Variants in ZC2HC1B observed in about 807,000 individuals in gnomAD.
ZC2HC1B encodes zinc finger C2HC domain-containing protein 1B.
In ZC2HC1B, 36 loss-of-function variants were observed where a neutral mutation model predicts 31.0. That is an observed-to-expected ratio of 1.16 (90% CI 0.89 to 1.54). ZC2HC1B has a LOEUF of 1.54. Ranked by LOEUF, ZC2HC1B falls within the 40% of genes most tolerant of loss-of-function variation. The pLI is 0.00. For missense variants in ZC2HC1B, 260 were observed against 268.6 expected, an observed-to-expected ratio of 0.97 and a Z score of 0.22; for synonymous variants, 73 against 88.0, an observed-to-expected ratio of 0.83 and a Z score of 0.95.
intron 1 of ZC2HC1B, among the ~76,000 whole-genome samples, chr6:143,882,337 TATA>T (rs1562338550): frequency 5.5e-5 from 4 of 72,542 alleles, no homozygotes; most frequent in African/African-American, 1.3e-4. Context: ...ATATTTTTTA[TATA>T]TATATATATA....
At chr6:143,902,913 TG>T in intron 5 of ZC2HC1B, 130 bp from the exon 6 acceptor site, 1 of 763,900 alleles carries the variant, frequency 1.3e-6, no homozygotes, top group Non-Finnish European at 2.1e-6. Context: ...CCCCTTCCCC[TG>T]GATTCAGGGA....
At chr6:143,931,896 T>A (rs1379160599) in intron 6 of ZC2HC1B, among the ~76,000 whole-genome samples, 1 of 151,174 alleles carries the variant, frequency 6.6e-6, no homozygotes, top group African/African-American at 2.4e-5. Context: ...GGAGTTTCAC[T>A]TTTGTTGCCC....
rs1434225401 is a variant in ZC2HC1B at position 143,922,867 on chromosome 6, C to CCAAGAGTATTTATT, written c.599-14775_599-14774insATTTATTCAAGAGT. ...GATTTCCTTTCCTTTGAATAAATAC[C>CCAAGAGTATTTATT]CAAGAGTGAGATTACTAGATTTTGT... is the stretch of plus-strand genomic sequence containing the variant. On this transcript the variant is annotated intron_variant, in intron 6 of 7. Transcript: ENST00000237275. This position sits in a 1 kb window ranked among gnomAD's most constrained non-coding sequence, Gnocchi z 5.0. Among the ~76,000 whole-genome samples the CCAAGAGTATTTATT allele has an allele frequency of 6.6e-6, 1 of 151,908 alleles. No individual in the cohort carries two copies. Among genetic ancestry groups the CCAAGAGTATTTATT allele is most frequent in the Non-Finnish European group, 1.5e-5 (1 of 67,966 alleles).
At position 143,903,834 on chromosome 6, in the gene ZC2HC1B, T is replaced by C. The variant is rs571393276; in HGVS notation, c.598+682T>C. 6.6e-6 allele frequency among the ~76,000 whole-genome samples: 1 copy of C among 152,376 alleles called. No individual in the cohort carries two copies. The highest frequency in any genetic ancestry group is 2.4e-5 in the African/African-American group (1 of 41,592). On this transcript the variant is annotated intron_variant, in intron 6 of 7. Coordinates refer to ENST00000237275, the MANE Select transcript of ZC2HC1B (RefSeq NM_001013623.3). The surrounding 1 kb of genome is among the most constrained non-coding windows in gnomAD (Gnocchi z 4.3). The stretch of plus-strand genomic sequence containing the variant: ...AATACCTAAGGCAATGTAAATGCTA[T>C]GTAAGTAGTTGTTATGCTATATTAA...
rs1418136258 is a variant in ZC2HC1B at position 143,903,349 on chromosome 6, T to C, written c.598+197T>C. Among the ~76,000 whole-genome samples the C allele has an allele frequency of 6.6e-6, 1 of 152,196 alleles. No homozygotes were observed. The highest frequency in any genetic ancestry group is 1.5e-5 in the Non-Finnish European group (1 of 68,026). On this transcript the variant is annotated intron_variant, in intron 6 of 7. Coordinates refer to ENST00000237275, the MANE Select transcript of ZC2HC1B (RefSeq NM_001013623.3). The surrounding 1 kb of genome is among the most constrained non-coding windows in gnomAD (Gnocchi z 4.3). Reference sequence around the variant, plus strand: ...TTAATTTATCAGGATTACACAACTTTCACAATGTACAAGTCAAATTCGATT... The same window carrying C: ...TTAATTTATCAGGATTACACAACTTCCACAATGTACAAGTCAAATTCGATT...
chr6:143,906,748 T>A (rs1044776095), intron 6 of ZC2HC1B, among the ~76,000 whole-genome samples: 22 of 32,086 alleles, frequency 6.9e-4, no homozygotes, highest in East Asian at 4.1e-3. Flanking sequence ...CCAGCCCCTC[T>A]TTTTTTTTTT....
At chr6:143,901,226 ATTTCTTTCTTTC>A (rs960045902) in intron 5 of ZC2HC1B, among the ~76,000 whole-genome samples, 4 of 129,526 alleles carry the variant, frequency 3.1e-5, no homozygotes, top group East Asian at 2.2e-4. Context: ...CAGGGTTTGA[ATTTCTTTCTTTC>A]TTTCTTTCTT....
In ZC2HC1B at chr6:143,915,962, G is replaced by A. The variant is rs554131042; in HGVS notation, c.598+12810G>A. Among the ~76,000 whole-genome samples, 2 of 152,358 alleles carry A rather than the reference G, an allele frequency of 1.3e-5. No homozygotes were observed. The highest frequency in any genetic ancestry group is 2.4e-5 in the African/African-American group (1 of 41,582). ...AAATTCAAACTGGCTGCAGAAATTT[G>A]TATAGGTAATGAGGAGCTGAATGTT... is the stretch of plus-strand genomic sequence containing the variant. On this transcript the variant is annotated intron_variant, in intron 6 of 7. Transcript: ENST00000237275. This position sits in a 1 kb window ranked among gnomAD's most constrained non-coding sequence, Gnocchi z 5.2.
intron 1 of ZC2HC1B, among the ~76,000 whole-genome samples, chr6:143,875,697 C>T (rs1188773881): frequency 6.6e-6 from 1 of 150,518 alleles, no homozygotes; most frequent in Non-Finnish European, 1.5e-5. Flanking sequence ...CTCTAGGGCC[C>T]CACAGGAATT....
chr6:143,905,556 TTCC>T lies in ZC2HC1B; in HGVS notation c.598+2406_598+2408del, dbSNP rs1426217116. Among the ~76,000 whole-genome samples, 7 of 152,208 alleles carry T rather than the reference TTCC, an allele frequency of 4.6e-5. No individual in the cohort carries two copies. The highest frequency in any genetic ancestry group is 1.7e-4 in the African/African-American group (7 of 41,470). ...ATTTGGATGCCTTTTAATTTTTTTC[TTCC>T]TAATTGCTCTGGTTGGAACTTCTAG... On this transcript the variant is annotated intron_variant, in intron 6 of 7. Coordinates refer to ENST00000237275, the MANE Select transcript of ZC2HC1B (RefSeq NM_001013623.3). This position sits in a 1 kb window ranked among gnomAD's most constrained non-coding sequence, Gnocchi z 4.2.
intron 1 of ZC2HC1B, among the ~76,000 whole-genome samples, chr6:143,874,326 C>T (rs1777381379): frequency 6.6e-6 from 1 of 152,188 alleles, no homozygotes; most frequent in African/African-American, 2.4e-5. Flanking sequence ...AGGTTCCAAG[C>T]TTTCCCACAT....
chr6:143,893,442 C>G (rs1202261104), intron 4 of ZC2HC1B, among the ~76,000 whole-genome samples: 1 of 152,032 alleles, frequency 6.6e-6, no homozygotes, highest in Non-Finnish European at 1.5e-5. Context: ...GTGGCTCACT[C>G]CTGTAATCCC....
chr6:143,881,996 G>A (rs1413029748), intron 1 of ZC2HC1B, among the ~76,000 whole-genome samples: 1 of 152,086 alleles, frequency 6.6e-6, no homozygotes, highest in Non-Finnish European at 1.5e-5. Flanking sequence ...TCTAGTTGTA[G>A]TGACGGTTGA....
intron 6 of ZC2HC1B, among the ~76,000 whole-genome samples, chr6:143,930,833 T>C (rs564290777): frequency 6.6e-6 from 1 of 152,352 alleles, no homozygotes; most frequent in South Asian, 2.1e-4. Flanking sequence ...CTGATGAGAA[T>C]AATGTATATT....
At chr6:143,879,738 T>A (rs1484449791) in intron 1 of ZC2HC1B, among the ~76,000 whole-genome samples, 1 of 152,004 alleles carries the variant, frequency 6.6e-6, no homozygotes, top group Non-Finnish European at 1.5e-5. Flanking sequence ...CTTTTTCAAT[T>A]TTAATCTAAC....
At chr6:143,920,253 C>T (rs893734693) in intron 6 of ZC2HC1B, among the ~76,000 whole-genome samples, 1 of 152,000 alleles carries the variant, frequency 6.6e-6, no homozygotes, top group Non-Finnish European at 1.5e-5. Flanking sequence ...GATTAGATAA[C>T]AAATCAACAC....
In ZC2HC1B at chr6:143,934,329, G is replaced by A. The variant is rs970739489; in HGVS notation, c.599-3320G>A. ...ACGACCACAGAGTGAGTGTCCACACGCTGTTCTGTCCATCCAAGTGGGAGC... is the reference window on the plus strand; with the variant it reads ...ACGACCACAGAGTGAGTGTCCACACACTGTTCTGTCCATCCAAGTGGGAGC... On this transcript the variant is annotated intron_variant, in intron 6 of 7. Coordinates refer to ENST00000237275, the MANE Select transcript of ZC2HC1B (RefSeq NM_001013623.3). The surrounding 1 kb of genome is among the most constrained non-coding windows in gnomAD (Gnocchi z 4.6). Among the ~76,000 whole-genome samples the A allele has an allele frequency of 1.3e-5, 2 of 152,262 alleles. No homozygotes were observed. Among genetic ancestry groups the A allele is most frequent in the East Asian group, 3.9e-4 (2 of 5,170 alleles).
At chr6:143,902,646 T>G (rs1244608173) in intron 5 of ZC2HC1B, among the ~76,000 whole-genome samples, 1 of 152,182 alleles carries the variant, frequency 6.6e-6, no homozygotes. Flanking sequence ...TGCCAATCTG[T>G]TTTTCTTTGT....
At chr6:143,874,058 C>G (rs1196292091) in intron 1 of ZC2HC1B, among the ~76,000 whole-genome samples, 1 of 152,114 alleles carries the variant, frequency 6.6e-6, no homozygotes, top group Non-Finnish European at 1.5e-5. Flanking sequence ...TTAACAGCAC[C>G]CAAGTCACCT....
Sources: gnomAD v4.1 joint callset for allele counts (sites outside exome capture counted in the v4.1 genomes callset) on GRCh38, gnomAD v4.1.1 for gene constraint, Gnocchi (gnomAD v3.1) non-coding constraint, MANE v1.5 for transcripts, NCBI Gene and HGNC (gene_info 2026-07-23, HGNC 2026-07-21) for gene names.